Variants in ORC2 observed in about 807,000 individuals in gnomAD.
ORC2 encodes origin recognition complex subunit 2.
ORC2 carries 37 observed loss-of-function variants against 77.7 expected under a neutral mutation model. That is an observed-to-expected ratio of 0.48 (90% CI 0.37 to 0.63). The LOEUF is 0.63. Among genes scored for constraint, ORC2 ranks in the 20% least tolerant of loss-of-function variants. ORC2 has a pLI of 0.00. For missense variants in ORC2, 557 were observed against 661.9 expected (o/e 0.84, Z 1.74); for synonymous variants, 201 against 229.5 (o/e 0.88, Z 1.12).
At chr2:200,926,134 AAAG>A (rs1302173545) in intron 12 of ORC2, among the ~76,000 whole-genome samples, 2 of 152,326 alleles carry the variant, frequency 1.3e-5, no homozygotes, top group Non-Finnish European at 1.5e-5. Flanking sequence ...AGAAAACAGA[AAAG>A]AATAGCAAAG....
In ORC2 at chr2:200,963,572, A is replaced by C; in HGVS notation, c.-142T>G. 2.5e-6 allele frequency: 1 copy of C among 398,552 alleles called. No homozygotes were observed. Among genetic ancestry groups the C allele is most frequent in the Non-Finnish European group, 4.4e-6 (1 of 225,998 alleles). The allele number at this position is 398,552 out of a possible 1,614,324, so 24.7% of individuals were successfully genotyped here. A position where few individuals can be genotyped will look rare whatever the true frequency, so the allele number is the denominator to read the frequency against. ...GCTGAGTCGCCGCCGCAGGGAAGGT[A>C]CCTTCGGCCCCAACGGGAAAAGCCA... On this transcript the variant is annotated 5_prime_UTR_variant, in exon 1 of 18. Coordinates refer to ENST00000234296, the MANE Select transcript of ORC2 (RefSeq NM_006190.5).
At chr2:200,934,077 T>C in intron 9 of ORC2, 103 bp from the exon 10 acceptor site, 1 of 554,808 alleles carries the variant, frequency 1.8e-6, no homozygotes, top group Non-Finnish European at 3.2e-6. Flanking sequence ...TGAAATTCTT[T>C]ACTTGGTAGT....
chr2:200,948,501 A>G (rs16836158), intron 5 of ORC2, among the ~76,000 whole-genome samples: 8,274 of 152,256 alleles, frequency 0.054, 511 homozygotes, highest in African/African-American at 0.15. Context: ...ATAACTTTAT[A>G]TAAGCATTTT....
Position 200,921,235 on chromosome 2 carries a change from C to T in ORC2, c.1148-96G>A, listed in dbSNP as rs1016302579. The T allele has an allele frequency of 3.4e-5, 23 of 673,996 alleles. No individual in the cohort carries two copies. The African/African-American group carries it at 4.1e-4, about 12-fold the overall frequency. 41.8% of individuals were successfully genotyped at this position (673,996 alleles called of 1,614,324 possible). ...AGTGCAGTGGTACAATCATAGCTCA[C>T]TGCAGCCTCCAACTCCTGGACTCAA... On this transcript the variant is annotated intron_variant, in intron 13 of 17. Coordinates refer to ENST00000234296, the MANE Select transcript of ORC2 (RefSeq NM_006190.5).
chr2:200,958,267 C>T, intron 2 of ORC2, 134 bp from the exon 3 acceptor site: 1 of 565,782 alleles, frequency 1.8e-6, no homozygotes, highest in Non-Finnish European at 3.1e-6. Context: ...ATACATTATG[C>T]ATTACTGTAT....
At chr2:200,959,626 TA>T (rs766792138) in intron 1 of ORC2, among the ~76,000 whole-genome samples, 186 bp from the exon 2 acceptor site, 2 of 152,230 alleles carry the variant, frequency 1.3e-5, no homozygotes, top group Non-Finnish European at 2.9e-5. Context: ...TAGGAAGCCC[TA>T]GATACTGAGA....
intron 12 of ORC2, 89 bp downstream of exon 12, chr2:200,926,679 A>G (rs746826957): frequency 1.1e-4 from 146 of 1,378,766 alleles, no homozygotes; most frequent in Non-Finnish European, 1.4e-4. Context: ...GCTAAAACAA[A>G]AATTCTTTAA....
rs190260303 is a variant in ORC2 at position 200,916,733 on chromosome 2, C to T, written c.1467-2741G>A. On this transcript the variant is annotated intron_variant, in intron 15 of 17. Coordinates refer to ENST00000234296, the MANE Select transcript of ORC2 (RefSeq NM_006190.5). ...TTTTATTTTATTTGAGACGGAGTCT[C>T]GCTCTGTCGCCCAGGCTGGAGTGCA... is the stretch of plus-strand genomic sequence containing the variant. 1.5e-4 allele frequency among the ~76,000 whole-genome samples: 23 copies of T among 152,234 alleles called. No homozygotes were observed. The East Asian group carries it at 3.3e-3, about 22-fold the overall frequency.
In ORC2 at chr2:200,909,697, T is replaced by TAAAA. The variant is rs570537972; in HGVS notation, c.*1600_*1603dup. ...GACTGGATGACAGTGCAATTCCATC[T>TAAAA]AAAAAAAAAAAAAAAAAAAAAAAGA... is the stretch of plus-strand genomic sequence containing the variant. On this transcript the variant is annotated 3_prime_UTR_variant, in exon 18 of 18. Transcript: ENST00000234296. The TAAAA allele has an allele frequency of 3.9e-5, 2 of 51,340 alleles. No individual in the cohort carries two copies. The highest frequency in any genetic ancestry group is 7.4e-5 in the African/African-American group (1 of 13,562). 3.2% of individuals were successfully genotyped at this position (51,340 alleles called of 1,614,324 possible).
At chr2:200,957,162 A>T (rs2041480898) in intron 4 of ORC2, among the ~76,000 whole-genome samples, 1 of 152,218 alleles carries the variant, frequency 6.6e-6, no homozygotes, top group East Asian at 1.9e-4. Flanking sequence ...TCCTGGAAAA[A>T]TTTTAAAAAT....
Position 200,911,172 on chromosome 2 carries a change from C to T in ORC2, c.*129G>A, listed in dbSNP as rs1224824140. 8 of 636,176 alleles carry T rather than the reference C, an allele frequency of 1.3e-5. No homozygotes were observed. The highest frequency in any genetic ancestry group is 2.0e-5 in the Non-Finnish European group (7 of 354,226). 39.4% of individuals were successfully genotyped at this position (636,176 alleles called of 1,614,324 possible). ...AAGTTCTAATTGAGGACATCCCCCC[C>T]TTCCCAAATTTAAATCTTGTATGCT... On this transcript the variant is annotated 3_prime_UTR_variant, in exon 18 of 18. Coordinates refer to ENST00000234296, the MANE Select transcript of ORC2 (RefSeq NM_006190.5).
chr2:200,924,547 T>C (rs1434419811), intron 13 of ORC2, among the ~76,000 whole-genome samples: 2 of 152,156 alleles, frequency 1.3e-5, no homozygotes, highest in Non-Finnish European at 1.5e-5. Context: ...AAATTATCCA[T>C]CAAAGCAGTT....
intron 14 of ORC2, 115 bp downstream of exon 14, chr2:200,920,878 A>C: frequency 1.6e-6 from 1 of 631,692 alleles, no homozygotes; most frequent in Non-Finnish European, 2.3e-6. Flanking sequence ...GTTTTTAAAC[A>C]TGTAAAAGGG....
At chr2:200,919,216 T>C (rs1366694470) in intron 15 of ORC2, among the ~76,000 whole-genome samples, 1 of 152,260 alleles carries the variant, frequency 6.6e-6, no homozygotes, top group Non-Finnish European at 1.5e-5. Flanking sequence ...TCTTTTCATC[T>C]ATCCAGCTCT....
intron 12 of ORC2, among the ~76,000 whole-genome samples, chr2:200,926,528 A>C (rs2040840647): frequency 6.6e-6 from 1 of 152,128 alleles, no homozygotes. Flanking sequence ...ACTGATACTC[A>C]GTATAGTAAA....
chr2:200,945,541 C>G (rs1437328778), intron 5 of ORC2, among the ~76,000 whole-genome samples: 3 of 151,938 alleles, frequency 2.0e-5, no homozygotes, highest in African/African-American at 7.3e-5. Flanking sequence ...CACGTTCCAG[C>G]CGGGGCAATA....
chr2:200,925,771 C>T (rs1310855440), intron 13 of ORC2, 65 bp downstream of exon 13: 6 of 651,592 alleles, frequency 9.2e-6, no homozygotes, highest in Admixed American at 4.5e-5. Context: ...TATATAAATA[C>T]ATGAATAAGT....
At chr2:200,948,054 G>A (rs1200549122) in intron 5 of ORC2, among the ~76,000 whole-genome samples, 1 of 151,282 alleles carries the variant, frequency 6.6e-6, no homozygotes, top group East Asian at 1.9e-4. Context: ...GACTACAGTC[G>A]CCCGCCACCA....
intron 15 of ORC2, among the ~76,000 whole-genome samples, chr2:200,916,569 A>G (rs369913980): frequency 3.3e-5 from 5 of 152,216 alleles, no homozygotes; most frequent in African/African-American, 1.2e-4. Context: ...CTTTACACAC[A>G]GCAACTTCCA....
Sources: gnomAD v4.1 joint callset for allele counts (sites outside exome capture counted in the v4.1 genomes callset) on GRCh38, gnomAD v4.1.1 for gene constraint, MANE v1.5 for transcripts, NCBI Gene and HGNC (gene_info 2026-07-23, HGNC 2026-07-21) for gene names.